The following SAMD5 variants were observed in gnomAD, a reference collection of about 807,000 sequenced individuals.
SAMD5 encodes sterile alpha motif domain-containing protein 5.
In SAMD5, 13 loss-of-function variants were observed where a neutral mutation model predicts 11.3. The ratio of observed to expected loss-of-function variants is 1.15; its 90% CI spans 0.75 to 1.83. SAMD5 has a LOEUF of 1.83. Among genes scored for constraint, SAMD5 ranks in the 40% most tolerant of loss-of-function variants. SAMD5 has a pLI of 0.00. For synonymous variants in SAMD5, 129 were observed against 111.3 expected, an observed-to-expected ratio of 1.16 and a Z score of -1.00; for missense variants, 255 against 239.1, an observed-to-expected ratio of 1.07 and a Z score of -0.44.
chr6:147,788,890 T>C, the SAMD5 span, among the ~76,000 whole-genome samples: 1 of 151,492 alleles, frequency 6.6e-6, no homozygotes. Flanking sequence ...GAGACCATCC[T>C]GGCTAACACG....
intron 1 of SAMD5, among the ~76,000 whole-genome samples, chr6:147,736,100 A>G (rs1791799425): frequency 6.6e-6 from 1 of 152,212 alleles, no homozygotes; most frequent in Non-Finnish European, 1.5e-5. Context: ...CTCCAAATCT[A>G]GGCTGTGCCA....
At chr6:147,900,727 T>C in the SAMD5 span, among the ~76,000 whole-genome samples, 1 of 152,132 alleles carries the variant, frequency 6.6e-6, no homozygotes, top group Non-Finnish European at 1.5e-5. Flanking sequence ...CAGCAGGCCA[T>C]CCTATTGCTG....
the SAMD5 span, among the ~76,000 whole-genome samples, chr6:147,814,411 C>T: frequency 6.6e-6 from 1 of 152,184 alleles, no homozygotes; most frequent in Non-Finnish European, 1.5e-5. Flanking sequence ...TCCTAAGATT[C>T]TATATTTTTT....
the SAMD5 span, among the ~76,000 whole-genome samples, chr6:147,794,881 C>T: frequency 3.3e-5 from 5 of 151,280 alleles, no homozygotes; most frequent in Admixed American, 6.6e-5. Context: ...GCTTTGACGG[C>T]GGTGAAGAGG....
chr6:147,570,037 C>G, downstream of SAMD5: 2 of 982,614 alleles, frequency 2.0e-6, no homozygotes, highest in Non-Finnish European at 2.4e-6. Flanking sequence ...GCCTTGGCCT[C>G]TTTTGTAATC....
At chr6:147,861,983 G>A in the SAMD5 span, among the ~76,000 whole-genome samples, 2 of 152,110 alleles carry the variant, frequency 1.3e-5, no homozygotes, top group Admixed American at 1.3e-4. Context: ...CTCAGAAAGG[G>A]GGAGGTCCAG....
the SAMD5 span, among the ~76,000 whole-genome samples, chr6:147,893,162 A>G: frequency 3.4e-4 from 52 of 151,116 alleles, no homozygotes; most frequent in Non-Finnish European, 1.3e-4. Context: ...AGATCACGCT[A>G]TTGCACTCCA....
At chr6:147,614,379 G>C (rs1789835070) in intron 1 of SAMD5, among the ~76,000 whole-genome samples, 2 of 151,706 alleles carry the variant, frequency 1.3e-5, no homozygotes, top group South Asian at 4.2e-4. Flanking sequence ...TGAGGCAGGA[G>C]AATCAGTTGA....
the SAMD5 span, among the ~76,000 whole-genome samples, chr6:147,944,729 C>T: frequency 8.4e-4 from 128 of 152,284 alleles, no homozygotes; most frequent in African/African-American, 3.0e-3. Flanking sequence ...CAACTGTTGT[C>T]GAAATTTCTT....
intron 1 of SAMD5, among the ~76,000 whole-genome samples, chr6:147,695,498 C>A (rs1318354345): frequency 1.3e-5 from 2 of 152,102 alleles, no homozygotes; most frequent in African/African-American, 4.8e-5. Flanking sequence ...TATTAAATAA[C>A]TAAATGATCT....
At chr6:147,763,335 T>C in the SAMD5 span, among the ~76,000 whole-genome samples, 1 of 150,988 alleles carries the variant, frequency 6.6e-6, no homozygotes, top group Non-Finnish European at 1.5e-5. Flanking sequence ...AATTTTTTTG[T>C]GTGTTTTTAG....
At chr6:147,880,969 T>G in the SAMD5 span, among the ~76,000 whole-genome samples, 1 of 152,170 alleles carries the variant, frequency 6.6e-6, no homozygotes, top group Non-Finnish European at 1.5e-5. Flanking sequence ...CTGAATACCC[T>G]AGACACTGGG....
At chr6:147,605,954 T>G (rs1000823595) in intron 1 of SAMD5, among the ~76,000 whole-genome samples, 2 of 151,674 alleles carry the variant, frequency 1.3e-5, no homozygotes, top group Middle Eastern at 3.2e-3. Context: ...CAGAGCAGGG[T>G]TGGCACACAA....
chr6:147,519,606 T>C (rs1788221100), intron 1 of SAMD5, among the ~76,000 whole-genome samples: 1 of 152,190 alleles, frequency 6.6e-6, no homozygotes, highest in African/African-American at 2.4e-5. Flanking sequence ...TATCATGGTG[T>C]TATTGTTTAT....
chr6:147,686,484 T>C (rs1791013335), intron 1 of SAMD5, among the ~76,000 whole-genome samples: 1 of 152,188 alleles, frequency 6.6e-6, no homozygotes, highest in African/African-American at 2.4e-5. Context: ...CTTTTCCCCA[T>C]ATGGATATCC....
chr6:147,906,253 A>AT, the SAMD5 span, among the ~76,000 whole-genome samples: 11 of 152,158 alleles, frequency 7.2e-5, no homozygotes, highest in Admixed American at 3.3e-4. Flanking sequence ...TTTTGGTGAC[A>AT]TTGGCAGGGC....
In SAMD5 at chr6:147,578,530, C is replaced by A. The variant is rs1163692395; in HGVS notation, c.162+69143C>A. On this transcript the variant is annotated intron_variant, in intron 1 of 1. Transcript: ENST00000566741. ...CTTTATAATAAGGGATGAATTTGTT[C>A]TTTTTGTTATTCATAAATAATCCTG... Among the ~76,000 whole-genome samples, 2 of 152,034 alleles carry A rather than the reference C, an allele frequency of 1.3e-5. 1 individual carries two copies. The highest frequency in any genetic ancestry group is 4.8e-5 in the African/African-American group (2 of 41,402).
At chr6:147,828,537 C>A in the SAMD5 span, among the ~76,000 whole-genome samples, 1 of 152,250 alleles carries the variant, frequency 6.6e-6, no homozygotes, top group African/African-American at 2.4e-5. Flanking sequence ...GGCAGAAGAA[C>A]GTGGAGACAC....
At chr6:147,529,663 G>A (rs1254452887) in intron 1 of SAMD5, among the ~76,000 whole-genome samples, 1 of 152,008 alleles carries the variant, frequency 6.6e-6, no homozygotes, top group Non-Finnish European at 1.5e-5. Context: ...TGATTTCCTT[G>A]GGTCATTTTT....
Sources: allele counts gnomAD v4.1 joint callset (sites outside exome capture counted in the v4.1 genomes callset), GRCh38; gene constraint gnomAD v4.1.1; transcripts MANE v1.5; gene names NCBI Gene and HGNC (gene_info 2026-07-23, HGNC 2026-07-21).